Variants in HDX observed in about 807,000 individuals in gnomAD.
HDX encodes the protein highly divergent homeobox.
A neutral mutation model predicts 45.2 loss-of-function variants in HDX; 19 were observed. The ratio of observed to expected loss-of-function variants is 0.42; its 90% CI spans 0.29 to 0.62. The LOEUF (loss-of-function observed/expected upper bound fraction) is 0.62, where lower values mean the gene tolerates loss of function less well. HDX is among the 20% of genes least tolerant of loss of function. The pLI is 0.20. For synonymous variants in HDX, 188 were observed against 172.8 expected, an observed-to-expected ratio of 1.09 and a Z score of -0.69; for missense variants, 532 against 493.9, an observed-to-expected ratio of 1.08 and a Z score of -0.73.
chrX:84,401,233 C>T lies in HDX; in HGVS notation c.1305+39299G>A, dbSNP rs572069092. 2.5e-3 allele frequency among the ~76,000 whole-genome samples: 283 copies of T among 111,872 alleles called. 1 individual carries two copies. Among genetic ancestry groups the T allele is most frequent in the Middle Eastern group, 9.3e-3 (2 of 215 alleles). Reference sequence around the variant, plus strand: ...CTAATTAAACTAAAGAGTTTCTGCACAGCAAAATAAGTTATCATCAGAGTG... The same window carrying T: ...CTAATTAAACTAAAGAGTTTCTGCATAGCAAAATAAGTTATCATCAGAGTG... On this transcript the variant is annotated intron_variant, in intron 5 of 10. Coordinates refer to ENST00000373177, the MANE Select transcript of HDX (RefSeq NM_001177479.2).
intron 2 of HDX, among the ~76,000 whole-genome samples, chrX:84,486,637 CT>C (rs978744275): frequency 1.7e-3 from 178 of 106,219 alleles, no homozygotes; most frequent in African/African-American, 5.2e-3. Flanking sequence ...TCGGGGTTGA[CT>C]TTTTTTTTTC....
chrX:84,451,054 T>G (rs1184683280), intron 4 of HDX, among the ~76,000 whole-genome samples: 3 of 111,748 alleles, frequency 2.7e-5, no homozygotes, highest in African/African-American at 9.7e-5. Context: ...TGTAAAAGTT[T>G]AAAGCAATAA....
rs1287852514 is a variant in HDX, at chrX:84,319,532, A to G, written c.*2357T>C. ...CACATTTCATTTTAGAAGTGTTTTA[A>G]TTCCAATGATGGTGAAGAAAAATAT... is the stretch of plus-strand genomic sequence containing the variant. On this transcript the variant is annotated 3_prime_UTR_variant, in exon 11 of 11. Transcript: ENST00000373177. The G allele has an allele frequency of 9.0e-6, 1 of 111,308 alleles. No homozygotes were observed. Among genetic ancestry groups the G allele is most frequent in the East Asian group, 2.8e-4 (1 of 3,566 alleles). 9.2% of individuals were successfully genotyped at this position (111,308 alleles called of 1,213,427 possible).
At chrX:84,372,773 T>G (rs1036154421) in intron 5 of HDX, among the ~76,000 whole-genome samples, 3 of 111,635 alleles carry the variant, frequency 2.7e-5, no homozygotes, top group African/African-American at 9.8e-5. Flanking sequence ...TTCTGCAATG[T>G]CTACAGAACA....
At chrX:84,363,368 C>G (rs1055668421) in intron 5 of HDX, among the ~76,000 whole-genome samples, 1 of 111,833 alleles carries the variant, frequency 8.9e-6, no homozygotes, top group East Asian at 2.8e-4. Context: ...TAAATATTCC[C>G]ATTATTTTCC....
At chrX:84,432,250 G>A (rs2039521671) in intron 5 of HDX, among the ~76,000 whole-genome samples, 3 of 111,743 alleles carry the variant, frequency 2.7e-5, no homozygotes, top group Non-Finnish European at 3.8e-5. Context: ...TTCTAGTATA[G>A]TTTCAAGTCA....
chrX:84,454,762 T>A (rs936532586), intron 4 of HDX, among the ~76,000 whole-genome samples: 3 of 110,233 alleles, frequency 2.7e-5, no homozygotes, highest in African/African-American at 9.9e-5. Context: ...GGACCTGGGG[T>A]GAGATCCAGT....
rs2037656434 is a variant in HDX, at chrX:84,362,903, T to C, written c.1306-1291A>G. Among the ~76,000 whole-genome samples the C allele has an allele frequency of 2.7e-5, 3 of 112,006 alleles. No individual in the cohort carries two copies. In the Admixed American group the frequency reaches 2.9e-4, roughly 11 times the overall value. ...ACAACAGTTGCAAGCATGTTTCTTT[T>C]AAAGTTACAAGCTTTTGAATAGTAA... On this transcript the variant is annotated intron_variant, in intron 5 of 10. Transcript: ENST00000373177.
chrX:84,431,746 G>T (rs1298729476), intron 5 of HDX, among the ~76,000 whole-genome samples: 1 of 110,826 alleles, frequency 9.0e-6, no homozygotes, highest in African/African-American at 3.3e-5. Flanking sequence ...GATCTCTGTT[G>T]GATACATAGT....
chrX:84,397,566 A>T (rs113471800), intron 5 of HDX, among the ~76,000 whole-genome samples: 27,729 of 110,188 alleles, frequency 0.25, 2,648 homozygotes, highest in Non-Finnish European at 0.3. Flanking sequence ...TGGGAGTCTC[A>T]CCAGTCTCCA....
intron 5 of HDX, among the ~76,000 whole-genome samples, chrX:84,379,241 A>C (rs1432186257): frequency 9.1e-6 from 1 of 109,996 alleles, no homozygotes; most frequent in African/African-American, 3.3e-5. Context: ...GATCTGAAAT[A>C]TTATTAGAGC....
Position 84,459,169 on chromosome X carries a change from G to A in HDX, c.1251+9303C>T, listed in dbSNP as rs751926651. Among the ~76,000 whole-genome samples, 3 of 111,679 alleles carry A rather than the reference G, an allele frequency of 2.7e-5. No individual in the cohort carries two copies. The South Asian group carries it at 1.1e-3, about 41-fold the overall frequency. ...TTAAGAAAATAAAAAGAGGCTGGGC[G>A]TGGTGGCTCATGCCTGTAATCCCAG... is the stretch of plus-strand genomic sequence containing the variant. On this transcript the variant is annotated intron_variant, in intron 4 of 10. Transcript: ENST00000373177.
At chrX:84,486,087 C>A (rs1299873089) in intron 2 of HDX, among the ~76,000 whole-genome samples, 1 of 111,626 alleles carries the variant, frequency 9.0e-6, no homozygotes, top group Admixed American at 9.5e-5. Flanking sequence ...TTGTTGTTTT[C>A]TGTTTGTCCC....
intron 2 of HDX, among the ~76,000 whole-genome samples, chrX:84,483,356 C>A (rs1401141189): frequency 4.4e-5 from 5 of 112,464 alleles, no homozygotes; most frequent in Non-Finnish European, 9.4e-5. Flanking sequence ...TTCATACATC[C>A]TCTGAAATCT....
At chrX:84,409,417 T>G (rs2038926418) in intron 5 of HDX, among the ~76,000 whole-genome samples, 1 of 110,870 alleles carries the variant, frequency 9.0e-6, no homozygotes. Context: ...TAAAGACACA[T>G]GCACATGTAT....
chrX:84,333,728 C>G, intron 9 of HDX, 31 bp downstream of exon 9: 2 of 644,258 alleles, frequency 3.1e-6, no homozygotes, highest in Middle Eastern at 4.5e-4. Context: ...AATACCTTCT[C>G]TTAATAAATT....
chrX:84,436,830 G>A (rs2039647289), intron 5 of HDX, among the ~76,000 whole-genome samples: 2 of 18,058 alleles, frequency 1.1e-4, no homozygotes, highest in Admixed American at 8.3e-4. Context: ...ATGTTTGCTG[G>A]GATTTTTTTT....
intron 2 of HDX, among the ~76,000 whole-genome samples, chrX:84,483,425 T>C (rs2040730064): frequency 8.9e-6 from 1 of 112,532 alleles, no homozygotes; most frequent in African/African-American, 3.2e-5. Flanking sequence ...GCCAACACCA[T>C]GTGTAAGCCA....
In HDX at chrX:84,320,436, T is replaced by C. The variant is rs1401835164; in HGVS notation, c.*1453A>G. ...GACACTTCAAGGGTAAAGACATTTA[T>C]GACTGCCTTTCTGTGTTCATAAGTT... On this transcript the variant is annotated 3_prime_UTR_variant, in exon 11 of 11. Transcript: ENST00000373177. 9.0e-6 allele frequency: 1 copy of C among 110,983 alleles called. No homozygotes were observed. The highest frequency in any genetic ancestry group is 1.9e-5 in the Non-Finnish European group (1 of 52,462). The allele number at this position is 110,983 out of a possible 1,213,427, so 9.1% of individuals were successfully genotyped here.
Sources: gnomAD v4.1 joint callset for allele counts (sites outside exome capture counted in the v4.1 genomes callset) on GRCh38, gnomAD v4.1.1 for gene constraint, MANE v1.5 for transcripts, NCBI Gene and HGNC (gene_info 2026-07-23, HGNC 2026-07-21) for gene names.